The following KPNA7 variants were observed in gnomAD, a reference collection of about 807,000 sequenced individuals.
The protein encoded by KPNA7 is karyopherin subunit alpha 7, also known as importin subunit alpha-8.
Under a neutral mutation model 53.7 loss-of-function variants are expected in KPNA7, and 54 were observed. That is an observed-to-expected ratio of 1.01 (90% CI 0.81 to 1.26). KPNA7 has a LOEUF of 1.26. Among genes scored for constraint, KPNA7 ranks in the 50% most tolerant of loss-of-function variants. KPNA7 has a pLI of 0.00. For synonymous variants in KPNA7, 276 were observed against 259.3 expected, an observed-to-expected ratio of 1.06 and a Z score of -0.62; for missense variants, 640 against 644.5, an observed-to-expected ratio of 0.99 and a Z score of 0.07.
the KPNA7 span, among the ~76,000 whole-genome samples, chr7:99,160,220 G>A: frequency 6.6e-6 from 1 of 151,776 alleles, no homozygotes; most frequent in Non-Finnish European, 1.5e-5. Flanking sequence ...TAGAGACGGG[G>A]TTTCACCGTG....
At chr7:99,187,798 TTAAAAAAAAAA>T (rs1789686459) in intron 7 of KPNA7, among the ~76,000 whole-genome samples, 1 of 2,882 alleles carries the variant, frequency 3.5e-4, no homozygotes, top group African/African-American at 5.4e-4. Context: ...GCCTTTTTTT[TTAAAAAAAAAA>T]AAAAAAAAAA....
the KPNA7 span, among the ~76,000 whole-genome samples, chr7:99,148,146 G>A: frequency 6.6e-6 from 1 of 151,900 alleles, no homozygotes; most frequent in Non-Finnish European, 1.5e-5. Flanking sequence ...CACATTCCTC[G>A]AAAATACAAT....
chr7:99,163,381 ATATTTT>A, the KPNA7 span, among the ~76,000 whole-genome samples: 10 of 58,858 alleles, frequency 1.7e-4, no homozygotes, highest in South Asian at 1.5e-3. Flanking sequence ...ATATATATAT[ATATTTT>A]TTTTTTTTTT....
intron 7 of KPNA7, among the ~76,000 whole-genome samples, chr7:99,186,762 C>A (rs866647573): frequency 1.3e-5 from 2 of 151,886 alleles, no homozygotes; most frequent in African/African-American, 2.4e-5. Flanking sequence ...ACAACAACAA[C>A]AAAAATGGCT....
chr7:99,188,157 A>G (rs1223919024), intron 7 of KPNA7, 143 bp downstream of exon 7: 12 of 855,878 alleles, frequency 1.4e-5, no homozygotes, highest in Non-Finnish European at 3.4e-6. Flanking sequence ...CCTGGGTGAC[A>G]GAGCAAGACT....
At chr7:99,209,235 C>T (rs568532076), upstream of KPNA7, among the ~76,000 whole-genome samples, 3 of 152,108 alleles carry the variant, frequency 2.0e-5, no homozygotes, top group South Asian at 2.1e-4. Flanking sequence ...TGAGGAGACC[C>T]GCCAAGGCTG....
At chr7:99,188,635 A>C in intron 6 of KPNA7, 72 bp from the exon 7 acceptor site, 16 of 1,419,504 alleles carry the variant, frequency 1.1e-5, no homozygotes, top group Non-Finnish European at 1.5e-5. Context: ...TGTTCTTACC[A>C]TTTCCAATCA....
intron 7 of KPNA7, 72 bp downstream of exon 7, chr7:99,188,228 C>T (rs1789730078): frequency 8.2e-7 from 1 of 1,214,012 alleles, no homozygotes; most frequent in Admixed American, 2.3e-5. Flanking sequence ...AGATGACAAA[C>T]CTTGCCCCAG....
chr7:99,193,847 T>C (rs554038069), intron 5 of KPNA7, among the ~76,000 whole-genome samples: 30 of 152,088 alleles, frequency 2.0e-4, no homozygotes, highest in African/African-American at 6.8e-4. Context: ...CTGGTGAATA[T>C]TTTTATTTTT....
chr7:99,153,097 A>G, the KPNA7 span, among the ~76,000 whole-genome samples: 4 of 152,202 alleles, frequency 2.6e-5, no homozygotes, highest in East Asian at 1.9e-4. Context: ...AGGATGTTTC[A>G]TGGAATCTGT....
chr7:99,160,331 C>CTGTCT, the KPNA7 span, among the ~76,000 whole-genome samples: 44 of 152,184 alleles, frequency 2.9e-4, 1 homozygote, highest in East Asian at 5.8e-3. Flanking sequence ...GGCCTCTCCT[C>CTGTCT]TGTCTTTTGT....
intron 1 of KPNA7, among the ~76,000 whole-genome samples, chr7:99,216,669 C>A (rs1433623786): frequency 6.6e-6 from 1 of 152,236 alleles, no homozygotes; most frequent in Admixed American, 6.5e-5. Context: ...TCAAGCAATT[C>A]TCCTGCCTCA....
intron 3 of KPNA7, among the ~76,000 whole-genome samples, chr7:99,199,065 G>GAAAAAAAAAAAAAAAA (rs67877761): frequency 1.1e-4 from 7 of 61,124 alleles, no homozygotes; most frequent in African/African-American, 1.3e-4. Context: ...GCTGCAAACT[G>GAAAAAAAAAAAAAAAA]AAAAAAAAAA....
At chr7:99,216,320 C>T (rs1337061967) in intron 1 of KPNA7, among the ~76,000 whole-genome samples, 1 of 152,022 alleles carries the variant, frequency 6.6e-6, no homozygotes, top group Non-Finnish European at 1.5e-5. Flanking sequence ...TGAGCCACTG[C>T]ACCTGGCCCA....
chr7:99,161,241 CTCTCTCTCTCTCTCTCTCTCTCTCT>C, the KPNA7 span, among the ~76,000 whole-genome samples: 1 of 10,386 alleles, frequency 9.6e-5, no homozygotes, highest in African/African-American at 1.2e-4. Context: ...CTCTCTCTCT[CTCTCTCTCTCTCTCTCTCTCTCTCT>C]CTCTGATCAC....
chr7:99,196,010 AC>A, intron 4 of KPNA7, 73 bp downstream of exon 4: 6 of 1,246,674 alleles, frequency 4.8e-6, no homozygotes, highest in Non-Finnish European at 6.9e-6. Flanking sequence ...CAAATAGGCC[AC>A]CGGCGCTCCA....
chr7:99,170,470 G>A (rs372937611), downstream of KPNA7, among the ~76,000 whole-genome samples: 1 of 150,956 alleles, frequency 6.6e-6, no homozygotes, highest in Non-Finnish European at 1.5e-5. Context: ...GTTTCAGTGG[G>A]AAAAAAAAAT....
intron 3 of KPNA7, among the ~76,000 whole-genome samples, chr7:99,200,005 C>T (rs1191352054): frequency 6.6e-6 from 1 of 152,166 alleles, no homozygotes; most frequent in Non-Finnish European, 1.5e-5. Flanking sequence ...ACTGCTCAAG[C>T]TATTCTCCTG....
chr7:99,153,465 AC>A, the KPNA7 span, among the ~76,000 whole-genome samples: 2 of 151,474 alleles, frequency 1.3e-5, no homozygotes, highest in African/African-American at 4.9e-5. Context: ...CAGGAGAATC[AC>A]TTGAACCCAG....
Sources: gnomAD v4.1 joint callset for allele counts (sites outside exome capture counted in the v4.1 genomes callset) on GRCh38, gnomAD v4.1.1 for gene constraint, MANE v1.5 for transcripts, NCBI Gene and HGNC (gene_info 2026-07-23, HGNC 2026-07-21) for gene names.